The following ANKRD44 variants were observed in gnomAD, a reference collection of about 807,000 sequenced individuals.
The protein encoded by ANKRD44 is serine/threonine-protein phosphatase 6 regulatory ankyrin repeat subunit B.
A neutral mutation model predicts 116.0 loss-of-function variants in ANKRD44; 35 were observed. That is an observed-to-expected ratio of 0.30 (90% CI 0.23 to 0.40). The LOEUF is 0.40. Among genes scored for constraint, ANKRD44 ranks in the 10% least tolerant of loss-of-function variants. The pLI is 1.00. For missense variants in ANKRD44, 1,014 were observed against 1,242.6 expected (o/e 0.82, Z 2.77); for synonymous variants, 435 against 461.8 (o/e 0.94, Z 0.74).
In ANKRD44 at chr2:197,068,398, T is replaced by A. The variant is rs9711830; in HGVS notation, c.1650+10305A>T. On this transcript the variant is annotated intron_variant, in intron 16 of 27. Transcript: ENST00000282272. Reference sequence around the variant, plus strand: ...AAAAAAGAAAAAAATAAAAAAAAAATAAAAATAAAATAAAAAAAAATAAAA... The same window carrying A: ...AAAAAAGAAAAAAATAAAAAAAAAAAAAAAATAAAATAAAAAAAAATAAAA... 4.9e-3 allele frequency among the ~76,000 whole-genome samples: 297 copies of A among 60,918 alleles called. 3 individuals carry two copies. The highest frequency in any genetic ancestry group is 0.016 in the Middle Eastern group (2 of 122). The allele number at this position is 60,918 out of a possible 152,430, so 40.0% of individuals were successfully genotyped here.
chr2:197,181,846 T>C (rs1354198626), intron 2 of ANKRD44, among the ~76,000 whole-genome samples: 1 of 152,226 alleles, frequency 6.6e-6, no homozygotes, highest in Non-Finnish European at 1.5e-5. Context: ...ACAAGCCTAG[T>C]CTAGTTCCGT....
At chr2:197,110,453 C>A (rs2078538935) in intron 9 of ANKRD44, among the ~76,000 whole-genome samples, 1 of 152,086 alleles carries the variant, frequency 6.6e-6, no homozygotes, top group African/African-American at 2.4e-5. Flanking sequence ...TGCTACTTAC[C>A]TTTATTAGTT....
intron 2 of ANKRD44, among the ~76,000 whole-genome samples, chr2:197,167,539 C>G (rs1023097178): frequency 6.6e-6 from 1 of 152,146 alleles, no homozygotes; most frequent in Non-Finnish European, 1.5e-5. Flanking sequence ...AGAATAATTT[C>G]TACAGTTAAA....
intron 2 of ANKRD44, among the ~76,000 whole-genome samples, chr2:197,153,225 CAAAAAAAAAAAA>C (rs75600123): frequency 1.0e-4 from 7 of 69,352 alleles, no homozygotes; most frequent in African/African-American, 3.6e-4. Context: ...AAGACCCTGC[CAAAAAAAAAAAA>C]AAAAAAAAAA....
chr2:197,024,305 C>T (rs535203119), intron 17 of ANKRD44, among the ~76,000 whole-genome samples: 2 of 152,340 alleles, frequency 1.3e-5, no homozygotes, highest in East Asian at 1.9e-4. Context: ...TGGTGTCCTG[C>T]CCCTGGGTTT....
intron 16 of ANKRD44, among the ~76,000 whole-genome samples, chr2:197,032,768 A>G (rs2076731960): frequency 6.6e-6 from 1 of 152,206 alleles, no homozygotes; most frequent in South Asian, 2.1e-4. Context: ...CAACTCTAAT[A>G]TGGCCCCTAA....
intron 1 of ANKRD44, among the ~76,000 whole-genome samples, chr2:197,257,469 C>G (rs757033590): frequency 6.6e-6 from 1 of 151,548 alleles, no homozygotes; most frequent in Non-Finnish European, 1.5e-5. Context: ...ACAATCATGA[C>G]TTTCTTCAGT....
At chr2:197,248,252 C>T (rs1033865155) in intron 1 of ANKRD44, among the ~76,000 whole-genome samples, 1 of 151,754 alleles carries the variant, frequency 6.6e-6, no homozygotes, top group Non-Finnish European at 1.5e-5. Context: ...TTTATAAGGT[C>T]GGTGAGACTC....
intron 1 of ANKRD44, among the ~76,000 whole-genome samples, chr2:197,228,046 A>G (rs1299089944): frequency 6.6e-6 from 1 of 152,234 alleles, no homozygotes; most frequent in African/African-American, 2.4e-5. Context: ...TCCCAACTGT[A>G]AGTCAGACAG....
intron 1 of ANKRD44, among the ~76,000 whole-genome samples, chr2:197,284,186 T>C (rs569405858): frequency 1.3e-5 from 2 of 152,306 alleles, no homozygotes; most frequent in Admixed American, 6.5e-5. Context: ...GAACTCACTT[T>C]AGTGAAATCC....
intron 1 of ANKRD44, among the ~76,000 whole-genome samples, chr2:197,239,049 A>G (rs979417679): frequency 6.6e-6 from 1 of 152,024 alleles, no homozygotes; most frequent in African/African-American, 2.4e-5. Context: ...TTGCTGCTCC[A>G]TTCTCTGTAG....
intron 16 of ANKRD44, among the ~76,000 whole-genome samples, chr2:197,076,868 G>A (rs2077680391): frequency 6.6e-6 from 1 of 152,136 alleles, no homozygotes; most frequent in Non-Finnish European, 1.5e-5. Context: ...GTATTCCATG[G>A]TATCTATGTA....
chr2:197,197,187 C>T (rs1304381659), intron 1 of ANKRD44, among the ~76,000 whole-genome samples: 1 of 151,994 alleles, frequency 6.6e-6, no homozygotes, highest in Non-Finnish European at 1.5e-5. Flanking sequence ...TTCTCATTTC[C>T]CCATCCAAAA....
chr2:197,279,991 T>C (rs1212570607), intron 1 of ANKRD44, among the ~76,000 whole-genome samples: 1 of 152,218 alleles, frequency 6.6e-6, no homozygotes, highest in African/African-American at 2.4e-5. Flanking sequence ...TATAAGAATT[T>C]CGTCCTCCCT....
At chr2:197,259,137 TG>T (rs1346729624) in intron 1 of ANKRD44, among the ~76,000 whole-genome samples, 1 of 152,262 alleles carries the variant, frequency 6.6e-6, no homozygotes, top group East Asian at 1.9e-4. Flanking sequence ...AAGGCAATAA[TG>T]TAAGTTTTTA....
intron 4 of ANKRD44, among the ~76,000 whole-genome samples, chr2:197,127,468 T>C (rs1008558187): frequency 1.3e-5 from 2 of 152,164 alleles, no homozygotes; most frequent in African/African-American, 4.8e-5. Flanking sequence ...AGGGAGTAAT[T>C]TGATGGCTAT....
rs987342099 is a variant in ANKRD44 at position 197,109,140 on chromosome 2, A to G, written c.985+1626T>C. ...TCTCTGGAGCTTGAAGTTGCTCTAA[A>G]AGGGAACCAAGCTGTTTAAGTTTTG... is the stretch of plus-strand genomic sequence containing the variant. On this transcript the variant is annotated intron_variant, in intron 9 of 27. Coordinates refer to ENST00000282272, the MANE Select transcript of ANKRD44 (RefSeq NM_001195144.2). 3.3e-5 allele frequency among the ~76,000 whole-genome samples: 5 copies of G among 152,196 alleles called. No homozygotes were observed. In the East Asian group the frequency reaches 5.8e-4, roughly 18 times the overall value.
intron 10 of ANKRD44, among the ~76,000 whole-genome samples, chr2:197,098,333 T>C (rs1322338617): frequency 6.6e-6 from 1 of 152,214 alleles, no homozygotes; most frequent in Non-Finnish European, 1.5e-5. Flanking sequence ...ACAAAATTCA[T>C]TTTAAGTCCA....
chr2:197,158,713 T>A (rs2079882815), intron 2 of ANKRD44, among the ~76,000 whole-genome samples: 1 of 152,108 alleles, frequency 6.6e-6, no homozygotes, highest in South Asian at 2.1e-4. Flanking sequence ...ATCAGAGACA[T>A]CCGGAGAGTT....
Sources: gnomAD v4.1 joint callset for allele counts (sites outside exome capture counted in the v4.1 genomes callset) on GRCh38, gnomAD v4.1.1 for gene constraint, MANE v1.5 for transcripts, NCBI Gene and HGNC (gene_info 2026-07-23, HGNC 2026-07-21) for gene names.